The following FAT1 variants were observed in gnomAD, a reference collection of about 807,000 sequenced individuals.
FAT1 encodes the protein protocadherin Fat 1.
In FAT1, 171 loss-of-function variants were observed where a neutral mutation model predicts 329.8. That is an observed-to-expected ratio of 0.52 (90% CI 0.46 to 0.59). FAT1 has a LOEUF of 0.59. Ranked by LOEUF, FAT1 falls within the 20% of genes least tolerant of loss-of-function variation. FAT1 has a pLI of 0.00. For synonymous variants in FAT1, 2,233 were observed against 2,228.6 expected, an observed-to-expected ratio of 1.00 and a Z score of -0.06; for missense variants, 5,672 against 5,774.4, an observed-to-expected ratio of 0.98 and a Z score of 0.57.
At position 186,636,845 on chromosome 4, in the gene FAT1, C is replaced by T. The variant is rs2126564813; in HGVS notation, c.3712G>A (p.Glu1238Lys). The T allele has an allele frequency of 2.5e-6, 4 of 1,613,950 alleles. 1 individual carries two copies. The Middle Eastern group carries it at 6.6e-4, about 266-fold the overall frequency. ...AGAAACTGAGGTTTGTTGTCATTTT[C>T]ATCAAGGATTTTCACAATGACTCTT... ...IARVIVKILD[E>K]NDNKPQFLQK... The change falls in exon 5 of 27, where the codon GAA (glutamate) becomes AAA (lysine). Residue 1238 changes from glutamate to lysine, a missense_variant. By Grantham distance (56) the Glu-to-Lys change is moderately conservative. Coordinates refer to ENST00000441802, the MANE Select transcript of FAT1 (RefSeq NM_005245.4).
rs774392890 is a variant in FAT1 at position 186,606,149 on chromosome 4, G to A, written c.10271C>T (p.Thr3424Met). ...DNGSPPRVNT[T>M]TVNIDVSDVN... ...ATCGGACACATCGATGTTCACGGTC[G>A]TCGTGTTGACTCTGGGTGGACTGCC... Residue 3424 changes from threonine (T) to methionine (M), a missense_variant, in exon 17 of 27, where the codon ACG becomes ATG. Physicochemically the swap from Thr to Met is moderately conservative, Grantham distance 81. Around this residue, in one of 2 missense-constraint regions of FAT1, gnomAD observed 1,706 missense variants for 1,859.1 expected, o/e 0.92. Transcript: ENST00000441802. 1.7e-5 allele frequency: 28 copies of A among 1,613,368 alleles called. 1 individual carries two copies. The Middle Eastern group carries it at 5.0e-4, about 29-fold the overall frequency.
chr4:186,619,922 C>A lies in FAT1; in HGVS notation c.6664G>T (p.Asp2222Tyr), dbSNP rs1739945864. The A allele has an allele frequency of 1.9e-6, 3 of 1,613,840 alleles. No homozygotes were observed. The highest frequency in any genetic ancestry group is 2.5e-6 in the Non-Finnish European group (3 of 1,179,890). The change falls in exon 10 of 27, where the codon GAC becomes TAC. Residue 2222 changes from aspartate (D) to tyrosine (Y), a missense_variant. By Grantham distance (160) the Asp-to-Tyr change is radical. Coordinates refer to ENST00000441802, the MANE Select transcript of FAT1 (RefSeq NM_005245.4). ...LKVFYSITDGDPFSQFTINFN... is the reference protein window; with the variant it reads ...LKVFYSITDGYPFSQFTINFN... Reference sequence around the variant, plus strand: ...TTAATAGTGAACTGGCTGAAAGGGTCTCCGTCTGTGATGCTGTAGAACACT... The same window carrying A: ...TTAATAGTGAACTGGCTGAAAGGGTATCCGTCTGTGATGCTGTAGAACACT...
rs369681913 is a variant in FAT1, at chr4:186,597,736, A to G, written c.12314T>C (p.Phe4105Ser). The change falls in exon 24 of 27, where the codon TTT becomes TCT. Residue 4105 changes from phenylalanine (F) to serine (S), a missense_variant. By Grantham distance (155) the Phe-to-Ser change is radical. Around this residue, in one of 2 missense-constraint regions of FAT1, gnomAD observed 1,706 missense variants for 1,859.1 expected, o/e 0.92. Coordinates refer to ENST00000441802, the MANE Select transcript of FAT1 (RefSeq NM_005245.4). The stretch of plus-strand genomic sequence containing the variant: ...ACAAACGGCGCCATCCAAACTGTCA[A>G]AGCATGTTCCGCCATTCTTACAGGG... ...DEPCKNGGTCFDSLDGAVCQC... is the reference protein window; with the variant it reads ...DEPCKNGGTCSDSLDGAVCQC... 16 of 1,613,890 alleles carry G rather than the reference A, an allele frequency of 9.9e-6. No homozygotes were observed. The African/African-American group carries it at 2.1e-4, about 22-fold the overall frequency.
At chr4:186,639,578 C>T (rs1463336269) in intron 4 of FAT1, 144 bp downstream of exon 4, 4 of 595,530 alleles carry the variant, frequency 6.7e-6, no homozygotes, top group African/African-American at 3.8e-5. Flanking sequence ...TCCTTATATT[C>T]CTTTTTCCTA....
chr4:186,605,175 C>T (rs1417295394), intron 17 of FAT1, among the ~76,000 whole-genome samples: 1 of 138,894 alleles, frequency 7.2e-6, no homozygotes, highest in Non-Finnish European at 1.5e-5. Flanking sequence ...GAGATCGTGC[C>T]ATTGCACTCT....
In FAT1 at chr4:186,619,572, G is replaced by T. The variant is rs192720031; in HGVS notation, c.7014C>A (p.Ser2338Arg). The change falls in exon 10 of 27, where the codon AGC becomes AGA. Residue 2338 changes from serine (S) to arginine (R), a missense_variant. Coordinates refer to ENST00000441802, the MANE Select transcript of FAT1 (RefSeq NM_005245.4). Reference sequence around the variant, plus strand: ...TTCTGAGTAGTGAGATGAGGCCAGTGCTGCTGTCTACATGAAAATGATCAT... The same window carrying T: ...TTCTGAGTAGTGAGATGAGGCCAGTTCTGCTGTCTACATGAAAATGATCAT... The part of the protein sequence containing the change: ...KSHDHFHVDS[S>R]TGLISLLRTL... The T allele has an allele frequency of 2.7e-5, 43 of 1,613,914 alleles. No individual in the cohort carries two copies. Among genetic ancestry groups the T allele is most frequent in the Middle Eastern group, 1.6e-4 (1 of 6,062 alleles).
At chr4:186,615,596 T>C (rs1579323284) in intron 11 of FAT1, among the ~76,000 whole-genome samples, 1 of 152,186 alleles carries the variant, frequency 6.6e-6, no homozygotes, top group Non-Finnish European at 1.5e-5. Flanking sequence ...GACCGCCACC[T>C]ACACAGCATC....
At position 186,596,839 on chromosome 4, in the gene FAT1, T is replaced by G. The variant is rs981566323; in HGVS notation, c.12701A>C (p.Asp4234Ala). The G allele has an allele frequency of 3.7e-6, 6 of 1,613,870 alleles. No individual in the cohort carries two copies. In the African/African-American group the frequency reaches 4.0e-5, roughly 11 times the overall value. The change falls in exon 25 of 27, where the codon GAT (aspartate) becomes GCT (alanine). Residue 4234 changes from aspartate (D) to alanine (A), a missense_variant. Asp to Ala is a moderately radical substitution (Grantham distance 126). Transcript: ENST00000441802. The surrounding 1 kb of genome is among the most constrained non-coding windows in gnomAD (Gnocchi z 4.7). ...ATAFLQRPYF[D>A]SKLNKNIYSD... ...GTAAATGTTCTTATTTAGCTTGGAA[T>G]CAAAATACGGTCTTTGCAAGAAAGC...
intron 2 of FAT1, among the ~76,000 whole-genome samples, chr4:186,694,439 G>C (rs1743932109): frequency 6.6e-6 from 1 of 152,210 alleles, no homozygotes; most frequent in Non-Finnish European, 1.5e-5. Flanking sequence ...TAGAATCAGA[G>C]TTCCTAAGTA....
At chr4:186,685,343 A>G (rs1052059730) in intron 2 of FAT1, among the ~76,000 whole-genome samples, 4 of 152,232 alleles carry the variant, frequency 2.6e-5, no homozygotes, top group African/African-American at 7.2e-5. Flanking sequence ...CACCACCACA[A>G]TAAGAGCAAC....
At chr4:186,658,253 T>C (rs1742001017) in intron 3 of FAT1, among the ~76,000 whole-genome samples, 1 of 152,164 alleles carries the variant, frequency 6.6e-6, no homozygotes, top group Admixed American at 6.5e-5. Flanking sequence ...TTGCAAACAA[T>C]ATAATAAGAA....
chr4:186,693,976 A>G (rs922470288), intron 2 of FAT1, among the ~76,000 whole-genome samples: 1 of 150,844 alleles, frequency 6.6e-6, no homozygotes, highest in Non-Finnish European at 1.5e-5. Flanking sequence ...ACAACACTCA[A>G]CCTCTCCCAA....
chr4:186,709,396 G>T lies in FAT1; in HGVS notation c.432C>A (p.Asp144Glu), dbSNP rs371785703. Reference sequence around the variant, plus strand: ...AGGTGGGTGAGAATAACGGTCTCAAGTCATTTGTATCCAGCACCTGCACCC... The same window carrying T: ...AGGTGGGTGAGAATAACGGTCTCAATTCATTTGTATCCAGCACCTGCACCC... ...KVRVQVLDTN[D>E]LRPLFSPTSY... Residue 144 changes from aspartate (D) to glutamate (E), a missense_variant, in exon 2 of 27, where the codon GAC becomes GAA. Around this residue, in one of 2 missense-constraint regions of FAT1, gnomAD observed 3,966 missense variants for 3,915.2 expected, o/e 1.01. Coordinates refer to ENST00000441802, the MANE Select transcript of FAT1 (RefSeq NM_005245.4). 19 of 1,613,798 alleles carry T rather than the reference G, an allele frequency of 1.2e-5. No individual in the cohort carries two copies. Among genetic ancestry groups the T allele is most frequent in the Non-Finnish European group, 1.5e-5 (18 of 1,179,886 alleles).
chr4:186,698,238 G>A lies in FAT1; in HGVS notation c.3265+8325C>T, dbSNP rs560890735. Among the ~76,000 whole-genome samples, 23 of 152,258 alleles carry A rather than the reference G, an allele frequency of 1.5e-4. No homozygotes were observed. In the East Asian group the frequency reaches 3.1e-3, roughly 20 times the overall value. ...CGGACTGAAGTCACAGACAGGCCGC[G>A]CACTGAGTCATACACTACAACAGAG... On this transcript the variant is annotated intron_variant, in intron 2 of 26. Coordinates refer to ENST00000441802, the MANE Select transcript of FAT1 (RefSeq NM_005245.4).
chr4:186,630,748 CAG>C (rs531024193), intron 7 of FAT1, among the ~76,000 whole-genome samples: 42 of 152,138 alleles, frequency 2.8e-4, no homozygotes, highest in Non-Finnish European at 4.8e-4. Context: ...CATGGACACA[CAG>C]AGAGTTACAG....
chr4:186,600,144 CA>C lies in FAT1; in HGVS notation c.11856del (p.Phe3952LeufsTer31), dbSNP rs1166479124. 6.2e-7 allele frequency: 1 copy of C among 1,613,962 alleles called. No individual in the cohort carries two copies. The highest frequency in any genetic ancestry group is 1.1e-5 in the South Asian group (1 of 91,078). On this transcript the variant is annotated frameshift_variant, in exon 22 of 27. Transcript: ENST00000441802. LOFTEE classifies it high-confidence loss of function. ...KTLNLDNYVFFGGHIRQQGTR... is the reference protein window; with the variant it reads ...KTLNLDNYVFXGGHIRQQGTR... ...GTTCCCTGCTGACGGATGTGGCCAC[CA>C]AAAAACACATAGTTATCCAGGTTCA... is the stretch of plus-strand genomic sequence containing the variant.
chr4:186,643,700 C>CT (rs763410161), intron 3 of FAT1, among the ~76,000 whole-genome samples: 18 of 152,108 alleles, frequency 1.2e-4, no homozygotes, highest in Admixed American at 7.9e-4. Context: ...CCCGAACCCC[C>CT]TGCACTCTGG....
intron 3 of FAT1, among the ~76,000 whole-genome samples, chr4:186,640,237 C>T (rs888658853): frequency 3.6e-4 from 54 of 152,034 alleles, no homozygotes; most frequent in African/African-American, 1.2e-3. Context: ...TTTCCAGGTA[C>T]GGTTATTTTG....
chr4:186,723,925 A>G (rs1745600913), upstream of FAT1: 1 of 150,736 alleles, frequency 6.6e-6, no homozygotes, highest in African/African-American at 2.4e-5. Flanking sequence ...TCGGGCGCGG[A>G]AACTCGAGCC....
Sources: gnomAD v4.1 joint callset for allele counts (sites outside exome capture counted in the v4.1 genomes callset) on GRCh38, gnomAD v4.1.1 for gene constraint, gnomAD v4.1.1 regional missense constraint, Gnocchi (gnomAD v3.1) non-coding constraint, MANE v1.5 for transcripts, NCBI Gene and HGNC (gene_info 2026-07-23, HGNC 2026-07-21) for gene names.